The following ALK variants were observed in gnomAD, a reference collection of about 807,000 sequenced individuals.
The protein encoded by ALK is ALK tyrosine kinase receptor.
In ALK, 74 loss-of-function variants were observed where a neutral mutation model predicts 163.1. The observed-to-expected ratio is 0.45, with a 90% CI of 0.38 to 0.55. ALK has a LOEUF of 0.55. ALK is among the 20% of genes least tolerant of loss of function. The probability of loss-of-function intolerance (pLI) is 0.00; values close to 1 mark genes in which losing one functional copy is unlikely to be tolerated. For synonymous variants in ALK, 960 were observed against 843.2 expected, an observed-to-expected ratio of 1.14 and a Z score of -2.40; for missense variants, 2,063 against 2,105.3, an observed-to-expected ratio of 0.98 and a Z score of 0.39.
intron 1 of ALK, among the ~76,000 whole-genome samples, chr2:29,870,062 G>A (rs1190309825): frequency 6.6e-6 from 1 of 152,128 alleles, no homozygotes; most frequent in East Asian, 1.9e-4. Context: ...TACATTGCTG[G>A]TAGAAGTATA....
At chr2:29,792,833 T>G (rs1156688394) in intron 1 of ALK, among the ~76,000 whole-genome samples, 1 of 152,216 alleles carries the variant, frequency 6.6e-6, no homozygotes, top group Non-Finnish European at 1.5e-5. Flanking sequence ...AATACTTTAT[T>G]GCTAAAATGG....
intron 23 of ALK, among the ~76,000 whole-genome samples, chr2:29,217,400 G>A (rs904130409): frequency 6.7e-6 from 1 of 148,898 alleles, no homozygotes. Context: ...GTGGGGTGGG[G>A]TGGGAGGAGC....
rs142406406 is a variant in ALK at position 29,720,473 on chromosome 2, C to A, written c.668-2776G>T. 3.8e-3 allele frequency among the ~76,000 whole-genome samples: 577 copies of A among 152,264 alleles called. 6 individuals are homozygous for A. Among genetic ancestry groups the A allele is most frequent in the Non-Finnish European group, 5.1e-3 (344 of 68,016 alleles). On this transcript the variant is annotated intron_variant, in intron 1 of 28. Transcript: ENST00000389048. ...GCTCACAGGGTCTCCAATCTTACCC[C>A]TGAGAGTAGGGAGTGCAAGTGATAA...
intron 1 of ALK, among the ~76,000 whole-genome samples, chr2:29,884,810 A>G (rs1218577133): frequency 6.6e-6 from 1 of 152,246 alleles, no homozygotes; most frequent in Non-Finnish European, 1.5e-5. Flanking sequence ...TTTAGATGCC[A>G]TGAAGAAAAT....
chr2:29,811,400 A>G (rs543288957), intron 1 of ALK, among the ~76,000 whole-genome samples: 2 of 152,332 alleles, frequency 1.3e-5, no homozygotes, highest in South Asian at 4.1e-4. Flanking sequence ...AACAGTATTT[A>G]CATTGGGTCA....
intron 1 of ALK, among the ~76,000 whole-genome samples, chr2:29,799,406 C>G (rs1220380729): frequency 6.6e-6 from 1 of 152,150 alleles, no homozygotes; most frequent in Non-Finnish European, 1.5e-5. Context: ...GTGGCTCACA[C>G]CTATAATCTC....
intron 1 of ALK, among the ~76,000 whole-genome samples, chr2:29,850,962 G>A (rs1558518107): frequency 1.3e-5 from 2 of 152,182 alleles, no homozygotes; most frequent in African/African-American, 2.4e-5. Flanking sequence ...CGGTGTGTGC[G>A]CCTTTGTCTT....
At chr2:29,636,166 A>T (rs904798797) in intron 3 of ALK, among the ~76,000 whole-genome samples, 1 of 152,194 alleles carries the variant, frequency 6.6e-6, no homozygotes, top group Non-Finnish European at 1.5e-5. Context: ...TGGGGGAGGA[A>T]TATACACATA....
chr2:29,578,953 G>C (rs527465474), intron 3 of ALK, among the ~76,000 whole-genome samples: 4 of 152,204 alleles, frequency 2.6e-5, no homozygotes, highest in African/African-American at 9.6e-5. Context: ...AGGAAGCCAA[G>C]GCATGGACTG....
intron 4 of ALK, 89 bp downstream of exon 4, chr2:29,531,826 G>A (rs995512564): frequency 7.5e-7 from 1 of 1,333,454 alleles, no homozygotes; most frequent in Admixed American, 1.7e-5. Flanking sequence ...TCATGAGTTT[G>A]TAAGTAGATG....
chr2:29,868,702 A>G (rs1174044859), intron 1 of ALK, among the ~76,000 whole-genome samples: 1 of 152,210 alleles, frequency 6.6e-6, no homozygotes, highest in Non-Finnish European at 1.5e-5. Flanking sequence ...ACCTTCCTCC[A>G]AAGACGGCTA....
chr2:29,296,724 T>A (rs1018279848), intron 9 of ALK, among the ~76,000 whole-genome samples, 164 bp downstream of exon 9: 9 of 148,270 alleles, frequency 6.1e-5, no homozygotes, highest in Admixed American at 6.1e-4. Flanking sequence ...ACCTGCAGAG[T>A]GTGTGTGTGT....
intron 2 of ALK, among the ~76,000 whole-genome samples, chr2:29,711,309 T>A (rs1434399535): frequency 1.3e-5 from 2 of 152,136 alleles, no homozygotes; most frequent in African/African-American, 4.8e-5. Flanking sequence ...TTCTCCTGAC[T>A]CTCTGTGTTC....
intron 1 of ALK, among the ~76,000 whole-genome samples, chr2:29,747,791 T>C (rs1055121486): frequency 6.6e-6 from 1 of 152,212 alleles, no homozygotes; most frequent in Non-Finnish European, 1.5e-5. Context: ...TTTCATCTGC[T>C]TTTGATGCCT....
chr2:29,689,724 A>G (rs1452282763), intron 3 of ALK, among the ~76,000 whole-genome samples: 2 of 152,202 alleles, frequency 1.3e-5, no homozygotes, highest in Non-Finnish European at 2.9e-5. Context: ...TTGAAAATAG[A>G]GTATTTGCAG....
chr2:29,765,114 A>G (rs953857281), intron 1 of ALK, among the ~76,000 whole-genome samples: 1 of 152,176 alleles, frequency 6.6e-6, no homozygotes, highest in Admixed American at 6.5e-5. Context: ...GCAGAAGCCA[A>G]TATGCTTCTT....
At chr2:29,376,956 T>A (rs1043853643) in intron 5 of ALK, among the ~76,000 whole-genome samples, 1 of 152,238 alleles carries the variant, frequency 6.6e-6, no homozygotes. Context: ...TACAGGATGC[T>A]ACCCATTTTT....
At chr2:29,471,259 T>C (rs1413728991) in intron 4 of ALK, among the ~76,000 whole-genome samples, 3 of 152,174 alleles carry the variant, frequency 2.0e-5, no homozygotes, top group South Asian at 2.1e-4. Flanking sequence ...TAGCAGAAGA[T>C]AGAAAAACAA....
intron 4 of ALK, among the ~76,000 whole-genome samples, chr2:29,465,656 T>C (rs552068054): frequency 6.6e-6 from 1 of 152,110 alleles, no homozygotes; most frequent in South Asian, 2.1e-4. Flanking sequence ...ATTGTGCCAC[T>C]ACCCTCCAAC....
Sources: gnomAD v4.1 joint callset for allele counts (sites outside exome capture counted in the v4.1 genomes callset) on GRCh38, gnomAD v4.1.1 for gene constraint, MANE v1.5 for transcripts, NCBI Gene and HGNC (gene_info 2026-07-23, HGNC 2026-07-21) for gene names.